The following ATRNL1 variants were observed in gnomAD, a reference collection of about 807,000 sequenced individuals.
The protein encoded by ATRNL1 is attractin-like protein 1.
A neutral mutation model predicts 182.7 loss-of-function variants in ATRNL1; 95 were observed. That is an observed-to-expected ratio of 0.52 (90% confidence interval 0.44 to 0.62). ATRNL1 has a LOEUF of 0.62. ATRNL1 is among the 20% of genes least tolerant of loss of function. The probability of loss-of-function intolerance (pLI) is 0.00; values close to 1 mark genes in which losing one functional copy is unlikely to be tolerated. For missense variants in ATRNL1, 1,471 were observed against 1,679.5 expected (o/e 0.88, Z 2.17); for synonymous variants, 576 against 568.3 (o/e 1.01, Z -0.19).
At chr10:115,315,827 AG>A in intron 18 of ATRNL1, 91 bp downstream of exon 18, 1 of 1,072,728 alleles carries the variant, frequency 9.3e-7, no homozygotes, top group Non-Finnish European at 1.3e-6. Flanking sequence ...ATTTAGCTTT[AG>A]GAAAAAAGCA....
rs376673900 is a variant in ATRNL1, at chr10:115,112,095, C to G, written c.294-8090C>G. On this transcript the variant is annotated intron_variant, in intron 1 of 28. Coordinates refer to ENST00000355044, the MANE Select transcript of ATRNL1 (RefSeq NM_207303.4). ...AAAAAAAACTTACGATAAGTTTAAC[C>G]AAAGAGGTAAAAGATCTATATGTAG... Among the ~76,000 whole-genome samples the G allele has an allele frequency of 7.9e-4, 119 of 151,408 alleles. 2 individuals are homozygous for G. The South Asian group carries it at 0.024, about 31-fold the overall frequency.
At chr10:115,143,849 T>A (rs1310358331) in intron 5 of ATRNL1, among the ~76,000 whole-genome samples, 1 of 152,160 alleles carries the variant, frequency 6.6e-6, no homozygotes, top group East Asian at 1.9e-4. Flanking sequence ...CCTACCCTGA[T>A]AACCTTATCT....
Position 115,461,987 on chromosome 10 carries a change from A to G in ATRNL1, c.3369A>G (p.Glu1123=). ...DYQFTFSLLQ[E]DDRHHTAINF... is the part of the protein sequence containing the mutation. Reference sequence around the variant, plus strand: ...AATTTACCTTCAGCTTATTACAGGAAGATGATCGCCACCATACTGCCATAA... The same window carrying G: ...AATTTACCTTCAGCTTATTACAGGAGGATGATCGCCACCATACTGCCATAA... Residue 1123 remains glutamate, a synonymous_variant, in exon 22 of 29, where the codon GAA becomes GAG. Coordinates refer to ENST00000355044, the MANE Select transcript of ATRNL1 (RefSeq NM_207303.4). 6.2e-7 allele frequency: 1 copy of G among 1,611,686 alleles called. No homozygotes were observed.
intron 27 of ATRNL1, among the ~76,000 whole-genome samples, chr10:115,830,663 G>A (rs1555093335): frequency 6.6e-6 from 1 of 152,146 alleles, no homozygotes; most frequent in Admixed American, 6.5e-5. Flanking sequence ...AGGTGCAGAG[G>A]TGTGAGTGTT....
chr10:115,291,181 C>T (rs1554920755), intron 15 of ATRNL1, among the ~76,000 whole-genome samples: 1 of 152,236 alleles, frequency 6.6e-6, no homozygotes, highest in Non-Finnish European at 1.5e-5. Context: ...CTTACCCTCA[C>T]TATCTACCTA....
At chr10:115,551,300 G>T (rs1592838419) in intron 26 of ATRNL1, among the ~76,000 whole-genome samples, 1 of 151,554 alleles carries the variant, frequency 6.6e-6, no homozygotes, top group African/African-American at 2.4e-5. Context: ...ATACTAATCA[G>T]GTGCTCTGGC....
At chr10:115,297,555 G>T (rs984331074) in intron 15 of ATRNL1, among the ~76,000 whole-genome samples, 5 of 150,904 alleles carry the variant, frequency 3.3e-5, no homozygotes, top group Non-Finnish European at 7.4e-5. Flanking sequence ...CGAGGCAGGA[G>T]AATGGCGTGA....
intron 27 of ATRNL1, among the ~76,000 whole-genome samples, chr10:115,818,724 A>G (rs1238398152): frequency 6.6e-6 from 1 of 152,140 alleles, no homozygotes; most frequent in Admixed American, 6.6e-5. Context: ...CTAATTGGCA[A>G]ATCCAGAAGA....
intron 8 of ATRNL1, among the ~76,000 whole-genome samples, chr10:115,206,068 C>A (rs900610830): frequency 6.6e-6 from 1 of 151,954 alleles, no homozygotes; most frequent in Non-Finnish European, 1.5e-5. Flanking sequence ...CACACTTATC[C>A]GTGTAGGATA....
intron 21 of ATRNL1, among the ~76,000 whole-genome samples, chr10:115,428,511 A>G (rs1392357105): frequency 2.0e-5 from 3 of 152,046 alleles, no homozygotes; most frequent in Admixed American, 6.5e-5. Context: ...ATTAAATATG[A>G]TGTAGGTTTT....
At chr10:115,820,276 G>A (rs770432572) in intron 27 of ATRNL1, 1 of 152,054 alleles carries the variant, frequency 6.6e-6, no homozygotes, top group Non-Finnish European at 1.5e-5. Context: ...TGCCCATCAA[G>A]TTCCCTCTAC....
chr10:115,332,135 G>A (rs899061782), intron 18 of ATRNL1, among the ~76,000 whole-genome samples: 1 of 152,208 alleles, frequency 6.6e-6, no homozygotes, highest in African/African-American at 2.4e-5. Context: ...CAGGATGGTA[G>A]AGAAGCATAA....
At chr10:115,829,781 G>C (rs1282803675) in intron 27 of ATRNL1, among the ~76,000 whole-genome samples, 1 of 152,116 alleles carries the variant, frequency 6.6e-6, no homozygotes, top group Non-Finnish European at 1.5e-5. Flanking sequence ...GATGGCCCTA[G>C]AAGATGTACT....
At chr10:115,563,908 A>G (rs1555000631) in intron 26 of ATRNL1, among the ~76,000 whole-genome samples, 1 of 152,034 alleles carries the variant, frequency 6.6e-6, no homozygotes. Flanking sequence ...AAAATAATAT[A>G]ATTAGAAAAA....
At chr10:115,826,916 G>T (rs1020424820) in intron 27 of ATRNL1, among the ~76,000 whole-genome samples, 1 of 152,174 alleles carries the variant, frequency 6.6e-6, no homozygotes. Flanking sequence ...TGGTAGTTTG[G>T]TTTTCAGACT....
chr10:115,709,963 C>A (rs1344393821), intron 26 of ATRNL1, among the ~76,000 whole-genome samples: 1 of 151,940 alleles, frequency 6.6e-6, no homozygotes, highest in Non-Finnish European at 1.5e-5. Flanking sequence ...TGCTTTAAAT[C>A]TCAATTTTCT....
chr10:115,274,185 T>G (rs1852000160), intron 13 of ATRNL1, among the ~76,000 whole-genome samples: 1 of 152,224 alleles, frequency 6.6e-6, no homozygotes, highest in African/African-American at 2.4e-5. Context: ...CCATTGCACC[T>G]GCAGGATCAT....
intron 27 of ATRNL1, chr10:115,820,517 G>A (rs1014403437): frequency 1.3e-5 from 2 of 152,110 alleles, no homozygotes; most frequent in African/African-American, 4.8e-5. Context: ...GGATATTCGT[G>A]ATTTAAAAAC....
chr10:115,841,906 A>G (rs550970892), intron 27 of ATRNL1, among the ~76,000 whole-genome samples: 1 of 152,230 alleles, frequency 6.6e-6, no homozygotes, highest in Non-Finnish European at 1.5e-5. Context: ...CACTTAATAC[A>G]ATACTCAGTA....
Sources: gnomAD v4.1 joint callset for allele counts (sites outside exome capture counted in the v4.1 genomes callset) on GRCh38, gnomAD v4.1.1 for gene constraint, MANE v1.5 for transcripts, NCBI Gene and HGNC (gene_info 2026-07-23, HGNC 2026-07-21) for gene names.